The following ANO6 variants were observed in gnomAD, a reference collection of about 807,000 sequenced individuals.
ANO6 encodes the protein anoctamin 6, also known as anoctamin-6.
ANO6 carries 106 observed loss-of-function variants against 117.5 expected under a neutral mutation model. The ratio of observed to expected loss-of-function variants is 0.90; its 90% CI spans 0.77 to 1.06. The LOEUF (loss-of-function observed/expected upper bound fraction) is 1.06, where lower values mean the gene tolerates loss of function less well. Among genes scored for constraint, ANO6 ranks in the 50% least tolerant of loss-of-function variants. The probability of loss-of-function intolerance (pLI) is 0.00; values close to 1 mark genes in which losing one functional copy is unlikely to be tolerated. For missense variants in ANO6, 955 were observed against 1,121.1 expected (o/e 0.85, Z 2.12); for synonymous variants, 367 against 385.1 (o/e 0.95, Z 0.55).
Position 45,291,357 on chromosome 12 carries a change from A to AAC in ANO6, c.71-10656_71-10655insCA, listed in dbSNP as rs1216424018. On this transcript the variant is annotated intron_variant, in intron 1 of 19. Coordinates refer to ENST00000320560, the MANE Select transcript of ANO6 (RefSeq NM_001025356.3). ...GTGAAACTCCGTCTCAAAAAAAAAA[A>AAC]AAAAAAAAAAAACACAAAGGAAAAT... Among the ~76,000 whole-genome samples, 11 of 150,822 alleles carry AAC rather than the reference A, an allele frequency of 7.3e-5. No homozygotes were observed. In the East Asian group the frequency reaches 1.0e-3, roughly 14 times the overall value.
chr12:45,238,021 T>C (rs1479642704), intron 1 of ANO6, among the ~76,000 whole-genome samples: 3 of 152,232 alleles, frequency 2.0e-5, no homozygotes, highest in Non-Finnish European at 2.9e-5. Flanking sequence ...TTTGGCTCTC[T>C]GTCTGATATT....
chr12:45,250,761 T>TAAA (rs1237444756), intron 1 of ANO6, among the ~76,000 whole-genome samples: 2 of 116,558 alleles, frequency 1.7e-5, no homozygotes, highest in African/African-American at 6.4e-5. Context: ...TCTGGTTACT[T>TAAA]AAAAAAAAAA....
intron 8 of ANO6, among the ~76,000 whole-genome samples, chr12:45,363,862 ATGATTG>A (rs1332089707): frequency 1.3e-5 from 2 of 152,166 alleles, no homozygotes; most frequent in Non-Finnish European, 2.9e-5. Flanking sequence ...GCCTTCTGCC[ATGATTG>A]TGAGGCCTTC....
intron 9 of ANO6, among the ~76,000 whole-genome samples, chr12:45,371,461 G>A (rs1941832445): frequency 6.6e-6 from 1 of 152,050 alleles, no homozygotes; most frequent in Non-Finnish European, 1.5e-5. Context: ...AAATGTCCCT[G>A]TCTGACAGCT....
intron 1 of ANO6, among the ~76,000 whole-genome samples, chr12:45,240,602 G>A (rs11504499): frequency 1.2e-4 from 18 of 151,844 alleles, no homozygotes; most frequent in African/African-American, 3.4e-4. Flanking sequence ...TATGATCTTC[G>A]CTGGTTATTT....
chr12:45,358,882 C>T (rs1319394550), intron 8 of ANO6, among the ~76,000 whole-genome samples: 1 of 151,606 alleles, frequency 6.6e-6, no homozygotes, highest in African/African-American at 2.4e-5. Flanking sequence ...CTTCCCAGGT[C>T]CAAGCGAGTC....
intron 2 of ANO6, among the ~76,000 whole-genome samples, chr12:45,315,719 A>G (rs1940002749): frequency 6.6e-6 from 1 of 151,966 alleles, no homozygotes; most frequent in African/African-American, 2.4e-5. Context: ...TCAGGGACTT[A>G]GTCTTTTCCT....
chr12:45,266,562 C>A (rs905447387), intron 1 of ANO6, among the ~76,000 whole-genome samples: 1 of 152,036 alleles, frequency 6.6e-6, no homozygotes, highest in Non-Finnish European at 1.5e-5. Flanking sequence ...TGACTATAAG[C>A]CAAGCTTTTA....
rs1941439749 is a variant in ANO6 at position 45,357,379 on chromosome 12, C to T, written c.953C>T (p.Ala318Val). 6.2e-7 allele frequency: 1 copy of T among 1,613,952 alleles called. No individual in the cohort carries two copies. Among genetic ancestry groups the T allele is most frequent in the Non-Finnish European group, 8.5e-7 (1 of 1,179,994 alleles). The stretch of plus-strand genomic sequence containing the variant: ...CTCCTGGCCGCAGTTGTAGGAGTGG[C>T]TTGCTTTCTCTATGGATATCTTAAT... ...MLLLAAVVGVACFLYGYLNQD... is the reference protein window; with the variant it reads ...MLLLAAVVGVVCFLYGYLNQD... Residue 318 changes from alanine (A) to valine (V), a missense_variant, in exon 8 of 20, where the codon GCT becomes GTT. Physicochemically the swap from Ala to Val is moderately conservative, Grantham distance 64 (BLOSUM62 0). Transcript: ENST00000320560.
chr12:45,246,580 T>C (rs935046039), intron 1 of ANO6, among the ~76,000 whole-genome samples: 4 of 152,166 alleles, frequency 2.6e-5, no homozygotes, highest in African/African-American at 7.2e-5. Context: ...AGGGAATTCA[T>C]TCCTGTAACT....
At chr12:45,350,566 C>T in intron 6 of ANO6, 93 bp from the exon 7 acceptor site, 1 of 1,008,276 alleles carries the variant, frequency 9.9e-7, no homozygotes. Context: ...CCCTTGTTCA[C>T]AATTGACTAT....
At chr12:45,241,429 G>A (rs550480196) in intron 1 of ANO6, among the ~76,000 whole-genome samples, 12 of 152,100 alleles carry the variant, frequency 7.9e-5, no homozygotes, top group Non-Finnish European at 1.8e-4. Context: ...CTCTACACTG[G>A]TTATTCTAGT....
chr12:45,286,315 C>T (rs1938912339), intron 1 of ANO6, among the ~76,000 whole-genome samples: 1 of 152,110 alleles, frequency 6.6e-6, no homozygotes, highest in Admixed American at 6.5e-5. Context: ...ATAATCTTAA[C>T]CGTAAAGGCA....
At chr12:45,332,873 T>C (rs1449910058) in intron 3 of ANO6, among the ~76,000 whole-genome samples, 2 of 152,094 alleles carry the variant, frequency 1.3e-5, no homozygotes, top group African/African-American at 4.8e-5. Flanking sequence ...TCAGTTGTGC[T>C]CATATGCTAC....
At chr12:45,239,043 A>T (rs1947694724) in intron 1 of ANO6, among the ~76,000 whole-genome samples, 1 of 152,212 alleles carries the variant, frequency 6.6e-6, no homozygotes, top group Non-Finnish European at 1.5e-5. Context: ...TATCAGGATG[A>T]TGCTGGCCTC....
At chr12:45,433,664 C>G (rs1171419660), downstream of ANO6, among the ~76,000 whole-genome samples, 1 of 151,694 alleles carries the variant, frequency 6.6e-6, no homozygotes, top group African/African-American at 2.4e-5. Context: ...CCTAAGCTCT[C>G]TCTTCTGATG....
intron 15 of ANO6, among the ~76,000 whole-genome samples, chr12:45,407,125 A>G (rs1439373064): frequency 6.6e-6 from 1 of 152,240 alleles, no homozygotes; most frequent in Non-Finnish European, 1.5e-5. Context: ...TAGAAAACCC[A>G]AACATGAGTG....
intron 12 of ANO6, among the ~76,000 whole-genome samples, chr12:45,395,704 C>T (rs1053951741): frequency 2.0e-5 from 3 of 152,104 alleles, no homozygotes; most frequent in Admixed American, 6.6e-5. Context: ...AATCAATAAA[C>T]GTAATCTATC....
In ANO6 at chr12:45,254,542, C is replaced by G. The variant is rs533092000; in HGVS notation, c.70+38151C>G. ...TCATAGATACTAACAATCACTTGTACTTACAGGACCAACTCTTTGTCACAT... is the reference window on the plus strand; with the variant it reads ...TCATAGATACTAACAATCACTTGTAGTTACAGGACCAACTCTTTGTCACAT... On this transcript the variant is annotated intron_variant, in intron 1 of 19. Coordinates refer to ENST00000320560, the MANE Select transcript of ANO6 (RefSeq NM_001025356.3). 6.6e-5 allele frequency among the ~76,000 whole-genome samples: 10 copies of G among 152,326 alleles called. No homozygotes were observed. The South Asian group carries it at 2.1e-3, about 32-fold the overall frequency.
Sources: allele counts gnomAD v4.1 joint callset (sites outside exome capture counted in the v4.1 genomes callset), GRCh38; gene constraint gnomAD v4.1.1; transcripts MANE v1.5; gene names NCBI Gene and HGNC (gene_info 2026-07-23, HGNC 2026-07-21).